Variants in LOC128462377 observed in about 807,000 individuals in gnomAD.
the LOC128462377 span, among the ~76,000 whole-genome samples, chr16:89,417,194 C>T: frequency 2.0e-5 from 3 of 152,110 alleles, no homozygotes; most frequent in Non-Finnish European, 4.4e-5. Flanking sequence ...TGACTCCAGG[C>T]GACTGAGATA....
At chr16:89,324,174 C>T in the LOC128462377 span, 47 of 1,138,792 alleles carry the variant, frequency 4.1e-5, no homozygotes, top group African/African-American at 1.3e-4. Context: ...TCTGTTATCA[C>T]GGCGGGGGGT....
the LOC128462377 span, among the ~76,000 whole-genome samples, chr16:89,354,137 T>C: frequency 2.0e-5 from 3 of 150,500 alleles, no homozygotes; most frequent in African/African-American, 7.4e-5. Context: ...TGCTTCTAAA[T>C]AATGCACTGC....
At chr16:89,383,171 A>C in the LOC128462377 span, among the ~76,000 whole-genome samples, 3 of 152,190 alleles carry the variant, frequency 2.0e-5, no homozygotes, top group Non-Finnish European at 4.4e-5. Flanking sequence ...TGTGCTGCTG[A>C]GTAAAGGGAG....
chr16:89,398,904 C>T, the LOC128462377 span, among the ~76,000 whole-genome samples: 1 of 152,110 alleles, frequency 6.6e-6, no homozygotes, highest in African/African-American at 2.4e-5. Flanking sequence ...CTGTGCACAG[C>T]CACCCAGGAT....
chr16:89,415,688 T>G, the LOC128462377 span, among the ~76,000 whole-genome samples: 2 of 150,160 alleles, frequency 1.3e-5, no homozygotes, highest in Non-Finnish European at 3.0e-5. Flanking sequence ...ATCAGCTGGG[T>G]GTGGTGGTGG....
chr16:89,355,016 C>A, the LOC128462377 span, among the ~76,000 whole-genome samples: 1 of 152,192 alleles, frequency 6.6e-6, no homozygotes, highest in South Asian at 2.1e-4. Flanking sequence ...ATGCTGAAGA[C>A]CCACCAGATG....
chr16:89,383,074 T>C, the LOC128462377 span, among the ~76,000 whole-genome samples: 1 of 152,210 alleles, frequency 6.6e-6, no homozygotes, highest in African/African-American at 2.4e-5. Flanking sequence ...CTCGTCTGGA[T>C]TCAACTTTCA....
the LOC128462377 span, among the ~76,000 whole-genome samples, chr16:89,333,212 A>C: frequency 6.6e-6 from 1 of 152,260 alleles, no homozygotes; most frequent in African/African-American, 2.4e-5. Context: ...TTAGCATGTT[A>C]AACAGACACT....
chr16:89,330,494 G>T, the LOC128462377 span, among the ~76,000 whole-genome samples: 2 of 152,044 alleles, frequency 1.3e-5, no homozygotes, highest in African/African-American at 4.8e-5. Flanking sequence ...ATGTCCGTGG[G>T]GCTACGTGAG....
chr16:89,342,408 G>A, the LOC128462377 span, among the ~76,000 whole-genome samples: 12 of 152,286 alleles, frequency 7.9e-5, no homozygotes, highest in Admixed American at 7.8e-4. Context: ...GACAGCATTC[G>A]GTCCAGGATA....
the LOC128462377 span, among the ~76,000 whole-genome samples, chr16:89,397,182 C>T: frequency 2.0e-5 from 3 of 152,170 alleles, no homozygotes; most frequent in African/African-American, 4.8e-5. Flanking sequence ...GGCTCCTCCA[C>T]GTCCAACGGC....
the LOC128462377 span, among the ~76,000 whole-genome samples, chr16:89,367,893 A>G: frequency 6.6e-6 from 1 of 151,978 alleles, no homozygotes; most frequent in African/African-American, 2.4e-5. Context: ...GGTACCGGCT[A>G]CTCCAGAGGC....
At chr16:89,367,528 C>T in the LOC128462377 span, among the ~76,000 whole-genome samples, 8 of 152,200 alleles carry the variant, frequency 5.3e-5, no homozygotes, top group Non-Finnish European at 8.8e-5. Flanking sequence ...TCTTAGGCCA[C>T]GGCACACACC....
chr16:89,324,316 A>C, the LOC128462377 span: 1 of 1,269,160 alleles, frequency 7.9e-7, no homozygotes, highest in Non-Finnish European at 1.0e-6. Context: ...GAGCACGGAC[A>C]CAGCAGTCGG....
the LOC128462377 span, among the ~76,000 whole-genome samples, chr16:89,344,546 G>C: frequency 2.0e-5 from 3 of 152,194 alleles, no homozygotes; most frequent in South Asian, 2.1e-4. Flanking sequence ...ACAAATAAAG[G>C]CTCCTCCTTG....
the LOC128462377 span, among the ~76,000 whole-genome samples, chr16:89,326,839 T>G: frequency 6.6e-6 from 1 of 152,180 alleles, no homozygotes; most frequent in Non-Finnish European, 1.5e-5. Flanking sequence ...GAAAGGGGCT[T>G]AACACAAAGC....
chr16:89,327,625 C>T, the LOC128462377 span, among the ~76,000 whole-genome samples: 1 of 152,118 alleles, frequency 6.6e-6, no homozygotes, highest in African/African-American at 2.4e-5. Flanking sequence ...CTGCATGCTA[C>T]CAATAATCCT....
chr16:89,386,113 G>A, the LOC128462377 span, among the ~76,000 whole-genome samples: 1 of 152,154 alleles, frequency 6.6e-6, no homozygotes. Flanking sequence ...TCAGATTTTC[G>A]TTTTTAAGTA....
the LOC128462377 span, among the ~76,000 whole-genome samples, chr16:89,408,156 A>G: frequency 5.4e-4 from 83 of 152,308 alleles, no homozygotes; most frequent in Non-Finnish European, 1.1e-3. Context: ...TGGCCCCAGA[A>G]GGCTGCACTA....
Sources: allele counts gnomAD v4.1 joint callset (sites outside exome capture counted in the v4.1 genomes callset), GRCh38; gene constraint gnomAD v4.1.1; transcripts MANE v1.5.